The following PDE10A variants were observed in gnomAD, a reference collection of about 807,000 sequenced individuals.
The protein encoded by PDE10A is phosphodiesterase 10A.
Under a neutral mutation model 97.7 loss-of-function variants are expected in PDE10A, and 39 were observed. The ratio of observed to expected loss-of-function variants is 0.40; its 90% CI spans 0.31 to 0.52. The LOEUF (loss-of-function observed/expected upper bound fraction) is 0.52, where lower values mean the gene tolerates loss of function less well. PDE10A is among the 20% of genes least tolerant of loss of function. The pLI, the probability that PDE10A is intolerant of heterozygous loss-of-function variation, is 0.56. For synonymous variants in PDE10A, 371 were observed against 376.8 expected (o/e 0.98, Z 0.18); for missense variants, 731 against 1,047.8 (o/e 0.70, Z 4.17).
At chr6:165,955,022 G>T (rs977000586) in intron 1 of PDE10A, among the ~76,000 whole-genome samples, 2 of 152,098 alleles carry the variant, frequency 1.3e-5, no homozygotes, top group Non-Finnish European at 2.9e-5. Context: ...GGATCTCCTC[G>T]CTGCCCAGGT....
chr6:165,722,881 T>TAC (rs139427743), intron 1 of PDE10A, among the ~76,000 whole-genome samples: 77,246 of 145,268 alleles, frequency 0.53, 20,178 homozygotes, highest in Non-Finnish European at 0.56. Flanking sequence ...TATATATATA[T>TAC]ATACACACAC....
At chr6:165,779,268 C>T (rs1350514428) in intron 1 of PDE10A, among the ~76,000 whole-genome samples, 1 of 151,994 alleles carries the variant, frequency 6.6e-6, no homozygotes, top group Non-Finnish European at 1.5e-5. Context: ...AGGTGACATG[C>T]AAGGGGCCTT....
chr6:165,836,683 C>T (rs1206498388), intron 1 of PDE10A, among the ~76,000 whole-genome samples: 1 of 152,126 alleles, frequency 6.6e-6, no homozygotes. Context: ...TTGGCTTAGC[C>T]CTCAAGGGCA....
intron 1 of PDE10A, among the ~76,000 whole-genome samples, chr6:165,698,167 T>C (rs1791485172): frequency 6.6e-6 from 1 of 152,160 alleles, no homozygotes; most frequent in African/African-American, 2.4e-5. Flanking sequence ...CCATAAACCC[T>C]AGGGAGACTA....
intron 1 of PDE10A, among the ~76,000 whole-genome samples, chr6:165,751,867 C>T (rs901372922): frequency 4.6e-5 from 7 of 152,022 alleles, no homozygotes; most frequent in East Asian, 3.9e-4. Flanking sequence ...GGGCCAGGCA[C>T]GGTGGCTCAT....
At chr6:165,922,601 T>A (rs942472544) in intron 1 of PDE10A, among the ~76,000 whole-genome samples, 3 of 152,202 alleles carry the variant, frequency 2.0e-5, no homozygotes, top group Non-Finnish European at 2.9e-5. Flanking sequence ...AATGACCCCC[T>A]TTTTTAATAA....
At chr6:165,909,022 G>A (rs1054642447) in intron 1 of PDE10A, 1 of 152,184 alleles carries the variant, frequency 6.6e-6, no homozygotes, top group African/African-American at 2.4e-5. Context: ...GTTTGGAGCT[G>A]TGTGTCCAAA....
chr6:165,675,246 T>G (rs1053701680), intron 1 of PDE10A, among the ~76,000 whole-genome samples: 17 of 152,240 alleles, frequency 1.1e-4, no homozygotes, highest in African/African-American at 4.1e-4. Context: ...TTTGTTTGTT[T>G]TTGTTGAACA....
At chr6:165,410,951 G>A (rs220758) in intron 13 of PDE10A, among the ~76,000 whole-genome samples, 7 of 45,880 alleles carry the variant, frequency 1.5e-4, no homozygotes, top group South Asian at 4.1e-4. Flanking sequence ...AGCCGGGCGT[G>A]GTGGCGGTGC....
At chr6:165,633,221 C>T (rs887516761) in intron 1 of PDE10A, among the ~76,000 whole-genome samples, 3 of 152,094 alleles carry the variant, frequency 2.0e-5, no homozygotes, top group Non-Finnish European at 4.4e-5. Context: ...AAAACCAAGA[C>T]ACTATGCAGC....
chr6:165,571,224 C>T (rs1488054281), intron 1 of PDE10A, among the ~76,000 whole-genome samples: 1 of 152,164 alleles, frequency 6.6e-6, no homozygotes, highest in Non-Finnish European at 1.5e-5. Context: ...CAACCTGAGT[C>T]TTTGGGAACC....
chr6:165,475,623 T>C (rs755664260), intron 3 of PDE10A, among the ~76,000 whole-genome samples: 1 of 152,170 alleles, frequency 6.6e-6, no homozygotes, highest in Non-Finnish European at 1.5e-5. Context: ...CGGGAAGTAA[T>C]GACACAAGAT....
chr6:165,411,386 T>G (rs1220639531), intron 13 of PDE10A, among the ~76,000 whole-genome samples: 1 of 152,172 alleles, frequency 6.6e-6, no homozygotes, highest in Non-Finnish European at 1.5e-5. Flanking sequence ...TAATCTCATA[T>G]GACTAGTGTC....
At chr6:165,548,274 CTCT>C (rs1783833769) in intron 1 of PDE10A, among the ~76,000 whole-genome samples, 2 of 128,114 alleles carry the variant, frequency 1.6e-5, no homozygotes, top group East Asian at 2.2e-4. Context: ...GGCTTTAAAT[CTCT>C]TTTTTTTTTT....
At chr6:165,375,896 T>A (rs1485251901) in intron 18 of PDE10A, among the ~76,000 whole-genome samples, 3 of 129,114 alleles carry the variant, frequency 2.3e-5, no homozygotes, top group African/African-American at 8.5e-5. Flanking sequence ...TACTGAACAT[T>A]CTAAGCCTAC....
intron 1 of PDE10A, among the ~76,000 whole-genome samples, chr6:165,804,960 G>A (rs1228989169): frequency 1.4e-5 from 2 of 143,956 alleles, no homozygotes; most frequent in Middle Eastern, 3.8e-3. Flanking sequence ...GGAGAGACGT[G>A]GGGGCGCACG....
rs1562784316 is a variant in PDE10A, at chr6:165,889,942, C to CAT, written c.-615+97586_-615+97587insAT. On this transcript the variant is annotated intron_variant, in intron 1 of 19. Coordinates refer to the PDE10A transcript ENST00000366882. ...CACTCCTCACTCCTCCCTCACTCCT[C>CAT]CCTCCCTCCTCCCTCCCTCACTCCT... 5.1e-5 allele frequency among the ~76,000 whole-genome samples: 3 copies of CAT among 58,376 alleles called. No individual in the cohort carries two copies. The East Asian group carries it at 4.4e-3, about 86-fold the overall frequency. 38.3% of individuals were successfully genotyped at this position (58,376 alleles called of 152,430 possible).
intron 1 of PDE10A, among the ~76,000 whole-genome samples, chr6:165,594,646 T>C (rs1193036626): frequency 6.6e-6 from 1 of 152,178 alleles, no homozygotes; most frequent in Non-Finnish European, 1.5e-5. Context: ...AGATCATCAA[T>C]GAATAGTAAA....
chr6:165,950,737 C>A (rs1343973539), intron 1 of PDE10A, among the ~76,000 whole-genome samples: 1 of 105,590 alleles, frequency 9.5e-6, no homozygotes. Flanking sequence ...TTCAGCTGAG[C>A]CTTGGAAGTC....
Sources: gnomAD v4.1 joint callset for allele counts (sites outside exome capture counted in the v4.1 genomes callset) on GRCh38, gnomAD v4.1.1 for gene constraint, MANE v1.5 for transcripts, NCBI Gene and HGNC (gene_info 2026-07-23, HGNC 2026-07-21) for gene names.